Variants in CLASP1 observed in about 807,000 individuals in gnomAD.
The protein encoded by CLASP1 is cytoplasmic linker associated protein 1, also known as CLIP-associating protein 1.
A neutral mutation model predicts 192.3 loss-of-function variants in CLASP1; 38 were observed. The ratio of observed to expected loss-of-function variants is 0.20; its 90% CI spans 0.15 to 0.26. The LOEUF is 0.26. Among genes scored for constraint, CLASP1 ranks in the 10% least tolerant of loss-of-function variants. The probability of loss-of-function intolerance (pLI) is 1.00; values close to 1 mark genes in which losing one functional copy is unlikely to be tolerated. For missense variants in CLASP1, 1,433 were observed against 1,932.5 expected, an observed-to-expected ratio of 0.74 and a Z score of 4.85; for synonymous variants, 691 against 712.8, an observed-to-expected ratio of 0.97 and a Z score of 0.49.
intron 6 of CLASP1, among the ~76,000 whole-genome samples, chr2:121,519,550 T>C (rs1208878978): frequency 6.6e-6 from 1 of 152,166 alleles, no homozygotes. Context: ...AAATGTAAAA[T>C]TAAAACATTC....
At chr2:121,498,683 T>C (rs1468298268) in intron 8 of CLASP1, among the ~76,000 whole-genome samples, 1 of 152,202 alleles carries the variant, frequency 6.6e-6, no homozygotes. Flanking sequence ...GTCTGGTATG[T>C]AGCACATCTA....
Position 121,425,207 on chromosome 2 carries a change from TCTGAAGACGGTGTC to T in CLASP1, c.2130_2143del (p.Thr711LysfsTer12). On this transcript the variant is annotated frameshift_variant, in exon 22 of 40. Coordinates refer to ENST00000263710, the Ensembl canonical transcript of CLASP1. LOFTEE classifies it high-confidence loss of function. ...GCTCCTGGGAATCTTGCTTCGCTTT[TCTGAAGACGGTGTC>T]ACAGGTGGGCCTCGTGAGGAGCCCC... The T allele has an allele frequency of 6.2e-7, 1 of 1,613,534 alleles. No homozygotes were observed.
In CLASP1 at chr2:121,448,240, C is replaced by T. The variant is rs577862914; in HGVS notation, c.1741+36G>A. 66 of 1,580,850 alleles carry T rather than the reference C, an allele frequency of 4.2e-5. No homozygotes were observed. In the Admixed American group the frequency reaches 5.3e-4, roughly 13 times the overall value. Reference sequence around the variant, plus strand: ...CAGCTGCACGTACAGCCCACCAGAGCGGAGAACAGGCCTTCTCCACGGCTG... The same window carrying T: ...CAGCTGCACGTACAGCCCACCAGAGTGGAGAACAGGCCTTCTCCACGGCTG... On this transcript the variant is annotated intron_variant, in intron 18 of 39. Transcript: ENST00000263710.
intron 23 of CLASP1, among the ~76,000 whole-genome samples, chr2:121,416,844 A>G (rs1049540994): frequency 1.2e-4 from 18 of 152,320 alleles, no homozygotes; most frequent in African/African-American, 4.1e-4. Flanking sequence ...TCTGACGATG[A>G]TAATACCTGT....
At chr2:121,537,656 C>G (rs1218972311) in intron 2 of CLASP1, among the ~76,000 whole-genome samples, 1 of 152,188 alleles carries the variant, frequency 6.6e-6, no homozygotes, top group Non-Finnish European at 1.5e-5. Flanking sequence ...ACCTATAATT[C>G]TATGATCTGT....
intron 19 of CLASP1, among the ~76,000 whole-genome samples, chr2:121,436,278 C>A (rs1366972998): frequency 1.3e-5 from 2 of 152,142 alleles, no homozygotes; most frequent in Admixed American, 1.3e-4. Flanking sequence ...GCGATCAGCC[C>A]ACCTCAGCCT....
At chr2:121,609,326 T>C (rs1576431655) in intron 1 of CLASP1, among the ~76,000 whole-genome samples, 1 of 152,324 alleles carries the variant, frequency 6.6e-6, no homozygotes, top group East Asian at 1.9e-4. Flanking sequence ...AACGTAATTA[T>C]GCAACAAAGG....
intron 23 of CLASP1, among the ~76,000 whole-genome samples, chr2:121,413,580 T>C (rs1304485753): frequency 1.3e-5 from 2 of 152,236 alleles, no homozygotes; most frequent in African/African-American, 2.4e-5. Flanking sequence ...CTGCAAAGGA[T>C]ACCTCTGGCC....
intron 2 of CLASP1, among the ~76,000 whole-genome samples, chr2:121,575,651 T>C (rs2060445076): frequency 6.6e-6 from 1 of 152,204 alleles, no homozygotes; most frequent in African/African-American, 2.4e-5. Context: ...TAAAGTGGTC[T>C]GCCCAAGTCT....
chr2:121,531,089 G>A lies in CLASP1; in HGVS notation c.196-764C>T, dbSNP rs765225079. The A allele has an allele frequency of 3.6e-4, 238 of 666,784 alleles. 1 individual carries two copies. Among genetic ancestry groups the A allele is most frequent in the South Asian group, 5.5e-4 (36 of 65,172 alleles). The allele number at this position is 666,784 out of a possible 1,614,324, so 41.3% of individuals were successfully genotyped here. ...CTAGTACTTTGTGGTTAAACCAGTA[G>A]AGGGTGCACAAGACGCGTGGTTTTA... On this transcript the variant is annotated intron_variant, in intron 2 of 39. Coordinates refer to ENST00000263710, the Ensembl canonical transcript of CLASP1.
intron 38 of CLASP1, 125 bp from the exon 40 acceptor site, chr2:121,347,279 G>A (rs978875697): frequency 7.5e-6 from 5 of 662,624 alleles, no homozygotes; most frequent in Non-Finnish European, 1.3e-5. Flanking sequence ...TAACAACCAG[G>A]ATAGACCTCA....
chr2:121,569,339 A>G (rs567966361), intron 2 of CLASP1, among the ~76,000 whole-genome samples: 30 of 152,362 alleles, frequency 2.0e-4, no homozygotes, highest in Admixed American at 9.1e-4. Context: ...AACCATTAGA[A>G]AGCCCTCTGA....
At chr2:121,646,662 C>T (rs922769311) in intron 1 of CLASP1, among the ~76,000 whole-genome samples, 1 of 152,122 alleles carries the variant, frequency 6.6e-6, no homozygotes, top group Non-Finnish European at 1.5e-5. Context: ...AAATTTAAGT[C>T]TCAGGCCCAA....
At chr2:121,407,860 T>G (rs375830534) in intron 24 of CLASP1, 145 bp from the exon 26 acceptor site, 2 of 998,934 alleles carry the variant, frequency 2.0e-6, no homozygotes, top group Non-Finnish European at 3.2e-6. Context: ...GCTTATAGAT[T>G]AGGGAAATAA....
At chr2:121,418,573 G>C in intron 23 of CLASP1, 49 bp downstream of exon 23, 1 of 1,294,948 alleles carries the variant, frequency 7.7e-7, no homozygotes, top group Non-Finnish European at 1.1e-6. Context: ...TCTCGGACAA[G>C]CAGGGAAAGG....
intron 16 of CLASP1, among the ~76,000 whole-genome samples, chr2:121,450,102 C>A (rs1457701965): frequency 2.6e-5 from 4 of 152,066 alleles, no homozygotes; most frequent in African/African-American, 9.7e-5. Context: ...GAGGCCGAGG[C>A]GGGTGGATCA....
chr2:121,473,916 G>A (rs879013437), intron 8 of CLASP1, among the ~76,000 whole-genome samples: 1 of 152,260 alleles, frequency 6.6e-6, no homozygotes, highest in Admixed American at 6.5e-5. Flanking sequence ...GTCATCAGCA[G>A]ACCCGCACTT....
chr2:121,379,442 G>A (rs1010012206), intron 33 of CLASP1, among the ~76,000 whole-genome samples: 1 of 152,134 alleles, frequency 6.6e-6, no homozygotes, highest in Non-Finnish European at 1.5e-5. Context: ...GGGGCCAGAG[G>A]CTCCCCCGCT....
At chr2:121,439,294 T>A (rs966793491) in intron 19 of CLASP1, among the ~76,000 whole-genome samples, 74 of 152,346 alleles carry the variant, frequency 4.9e-4, no homozygotes, top group African/African-American at 1.8e-3. Flanking sequence ...GATTCATTAA[T>A]TTTTTGAAGG....
Sources: gnomAD v4.1 joint callset for allele counts (sites outside exome capture counted in the v4.1 genomes callset) on GRCh38, gnomAD v4.1.1 for gene constraint, MANE v1.5 for transcripts, NCBI Gene and HGNC (gene_info 2026-07-23, HGNC 2026-07-21) for gene names.